DARS1: variants seen among roughly 807,000 people sequenced by gnomAD.
DARS1 encodes aspartate--tRNA ligase, cytoplasmic.
In DARS1, 51 loss-of-function variants were observed where a neutral mutation model predicts 68.8. That is an observed-to-expected ratio of 0.74 (90% CI 0.59 to 0.94). The LOEUF is 0.94. Ranked by LOEUF, DARS1 falls within the 40% of genes least tolerant of loss-of-function variation. The pLI is 0.00. For missense variants in DARS1, 607 were observed against 597.3 expected (o/e 1.02, Z -0.17); for synonymous variants, 203 against 190.4 (o/e 1.07, Z -0.55).
chr2:135,967,414 T>C (rs899357494), intron 3 of DARS1, among the ~76,000 whole-genome samples: 2 of 152,222 alleles, frequency 1.3e-5, no homozygotes, highest in Non-Finnish European at 2.9e-5. Flanking sequence ...CGTATAAAAT[T>C]TGAAAGGAAT....
intron 3 of DARS1, among the ~76,000 whole-genome samples, chr2:135,975,388 A>G (rs1410374853): frequency 6.6e-6 from 1 of 152,074 alleles, no homozygotes; most frequent in Non-Finnish European, 1.5e-5. Context: ...CAGACATGAA[A>G]AGATATCCAA....
chr2:135,910,775 A>C (rs2104792115), intron 15 of DARS1: 1 of 169,458 alleles, frequency 5.9e-6, no homozygotes, highest in Middle Eastern at 2.8e-3. Flanking sequence ...AGTCCCTTAC[A>C]TATACTGTAG....
intron 3 of DARS1, among the ~76,000 whole-genome samples, chr2:135,974,229 C>G (rs1200024832): frequency 6.6e-6 from 1 of 152,196 alleles, no homozygotes; most frequent in Non-Finnish European, 1.5e-5. Flanking sequence ...GACGCAAATA[C>G]TCTGCCACTC....
At chr2:135,930,325 T>C in intron 7 of DARS1, among the ~76,000 whole-genome samples, 1 of 152,160 alleles carries the variant, frequency 6.6e-6, no homozygotes, top group Non-Finnish European at 1.5e-5. Context: ...GATAATGTGG[T>C]GTATTAGCAA....
At chr2:135,925,906 G>T (rs192126930) in intron 7 of DARS1, among the ~76,000 whole-genome samples, 1 of 152,076 alleles carries the variant, frequency 6.6e-6, no homozygotes, top group Non-Finnish European at 1.5e-5. Flanking sequence ...TCTATAAGAG[G>T]GTCACTGAAT....
At chr2:135,944,203 C>G (rs16832248) in intron 4 of DARS1, among the ~76,000 whole-genome samples, 2,120 of 152,116 alleles carry the variant, frequency 0.014, 43 homozygotes, top group African/African-American at 0.038. Context: ...TTTTTAATCA[C>G]TAGTACATAA....
At chr2:135,937,957 C>G (rs1558786043) in intron 5 of DARS1, among the ~76,000 whole-genome samples, 1 of 152,278 alleles carries the variant, frequency 6.6e-6, no homozygotes, top group South Asian at 2.1e-4. Flanking sequence ...GTGAATCTGA[C>G]AATTGTGTGT....
intron 8 of DARS1, among the ~76,000 whole-genome samples, chr2:135,923,875 G>A (rs1396170386): frequency 1.3e-5 from 2 of 151,992 alleles, no homozygotes; most frequent in African/African-American, 2.4e-5. Context: ...AAATTGGCTC[G>A]GCGTGGTGGT....
At chr2:135,960,339 C>G (rs1682073373) in intron 4 of DARS1, among the ~76,000 whole-genome samples, 1 of 152,072 alleles carries the variant, frequency 6.6e-6, no homozygotes, top group Non-Finnish European at 1.5e-5. Context: ...TGATAAATAT[C>G]TAAACCAAAA....
intron 15 of DARS1, 52 bp from the exon 16 acceptor site, chr2:135,907,459 C>A (rs1680813032): frequency 2.4e-6 from 3 of 1,255,708 alleles, no homozygotes; most frequent in Non-Finnish European, 3.4e-6. Flanking sequence ...CTCTCAGGGT[C>A]TTACTTAGAA....
At chr2:135,925,210 T>C (rs1681187829) in intron 7 of DARS1, among the ~76,000 whole-genome samples, 1 of 152,208 alleles carries the variant, frequency 6.6e-6, no homozygotes, top group African/African-American at 2.4e-5. Context: ...GAGGTAATTA[T>C]CTCTACTTTA....
intron 4 of DARS1, among the ~76,000 whole-genome samples, chr2:135,960,875 A>G (rs1323755517): frequency 6.6e-6 from 1 of 152,212 alleles, no homozygotes; most frequent in Non-Finnish European, 1.5e-5. Context: ...ACAGGAGGAA[A>G]AAGCAAGTTT....
intron 4 of DARS1, among the ~76,000 whole-genome samples, chr2:135,954,085 T>TC (rs921752897): frequency 6.6e-6 from 1 of 151,596 alleles, no homozygotes; most frequent in African/African-American, 2.4e-5. Context: ...TAAACTTTTT[T>TC]CCCTTTAGTT....
Position 135,970,215 on chromosome 2 carries a change from T to C in DARS1, c.218-8717A>G, listed in dbSNP as rs1279711334. On this transcript the variant is annotated intron_variant, in intron 3 of 15. Transcript: ENST00000264161. ...TGCAATCATACCTGTGAATAACCAC[T>C]GTACTCTAGCCTGGGCAACATAGTG... Among the ~76,000 whole-genome samples the C allele has an allele frequency of 1.6e-4, 22 of 139,760 alleles. No homozygotes were observed. The Admixed American group carries it at 1.7e-3, about 11-fold the overall frequency. The allele number at this position is 139,760 out of a possible 152,430, so 91.7% of individuals were successfully genotyped here. A position where few individuals can be genotyped will look rare whatever the true frequency, so the allele number is the denominator to read the frequency against.
chr2:135,911,554 C>A, intron 13 of DARS1, 61 bp from the exon 14 acceptor site: 1 of 743,508 alleles, frequency 1.3e-6, no homozygotes, highest in Non-Finnish European at 2.4e-6. Context: ...TACATATATA[C>A]GGAAAAAAAT....
intron 3 of DARS1, among the ~76,000 whole-genome samples, chr2:135,974,245 A>G (rs980133352): frequency 6.6e-6 from 1 of 152,244 alleles, no homozygotes; most frequent in African/African-American, 2.4e-5. Context: ...CACTCTGCAC[A>G]TGTACAGGTC....
At chr2:135,980,351 C>T (rs1682596851) in intron 2 of DARS1, 1 of 152,210 alleles carries the variant, frequency 6.6e-6, no homozygotes, top group Non-Finnish European at 1.5e-5. Flanking sequence ...TTAAATTAAA[C>T]ATAGCAATAG....
At chr2:135,962,776 G>A (rs1054210589) in intron 3 of DARS1, among the ~76,000 whole-genome samples, 2 of 152,152 alleles carry the variant, frequency 1.3e-5, no homozygotes, top group African/African-American at 4.8e-5. Flanking sequence ...ATTCAAAGGA[G>A]TTTTAAAATA....
At chr2:135,923,210 T>A (rs948655953) in intron 8 of DARS1, among the ~76,000 whole-genome samples, 18 of 151,314 alleles carry the variant, frequency 1.2e-4, no homozygotes, top group African/African-American at 3.4e-4. Flanking sequence ...GTTGTTAAAA[T>A]TTTTTTTTTA....
Sources: allele counts gnomAD v4.1 joint callset (sites outside exome capture counted in the v4.1 genomes callset), GRCh38; gene constraint gnomAD v4.1.1; transcripts MANE v1.5; gene names NCBI Gene and HGNC (gene_info 2026-07-23, HGNC 2026-07-21).